The following PIP5K1B variants were observed in gnomAD, a reference collection of about 807,000 sequenced individuals.
PIP5K1B encodes phosphatidylinositol 4-phosphate 5-kinase type-1 beta.
PIP5K1B carries 42 observed loss-of-function variants against 67.0 expected under a neutral mutation model. The ratio of observed to expected loss-of-function variants is 0.63; its 90% CI spans 0.49 to 0.81. PIP5K1B has a LOEUF of 0.81. PIP5K1B is among the 30% of genes least tolerant of loss of function. The probability of loss-of-function intolerance (pLI) is 0.00; values close to 1 mark genes in which losing one functional copy is unlikely to be tolerated. For synonymous variants in PIP5K1B, 214 were observed against 231.4 expected (o/e 0.92, Z 0.68); for missense variants, 459 against 646.3 (o/e 0.71, Z 3.14).
At chr9:68,803,263 C>G (rs912708933) in intron 2 of PIP5K1B, among the ~76,000 whole-genome samples, 1 of 152,028 alleles carries the variant, frequency 6.6e-6, no homozygotes, top group Non-Finnish European at 1.5e-5. Context: ...TATAGAAACC[C>G]TAAAAGCAGC....
chr9:68,709,225 C>A (rs987916894), intron 1 of PIP5K1B, among the ~76,000 whole-genome samples: 1 of 152,056 alleles, frequency 6.6e-6, no homozygotes, highest in Non-Finnish European at 1.5e-5. Flanking sequence ...TTAAAAATAA[C>A]ATGTTTTTTT....
chr9:68,897,791 C>T lies in PIP5K1B; in HGVS notation c.771+3153C>T, dbSNP rs1222600373. Among the ~76,000 whole-genome samples, 4 of 152,128 alleles carry T rather than the reference C, an allele frequency of 2.6e-5. No individual in the cohort carries two copies. In the East Asian group the frequency reaches 7.7e-4, roughly 29 times the overall value. ...CTCTTAACCTATGGCTGACCTCCCC[C>T]TGCTTCTTGGCGCCCCCACCTCTCC... On this transcript the variant is annotated intron_variant, in intron 8 of 15. Coordinates refer to ENST00000265382, the MANE Select transcript of PIP5K1B (RefSeq NM_003558.4).
At chr9:68,850,319 C>A (rs1023183678) in intron 4 of PIP5K1B, among the ~76,000 whole-genome samples, 2 of 152,186 alleles carry the variant, frequency 1.3e-5, no homozygotes, top group Non-Finnish European at 2.9e-5. Context: ...GCAAAATACC[C>A]AGTTGAAATC....
chr9:68,801,230 G>A (rs1290902558), intron 2 of PIP5K1B, among the ~76,000 whole-genome samples: 1 of 152,136 alleles, frequency 6.6e-6, no homozygotes, highest in African/African-American at 2.4e-5. Flanking sequence ...CTCAAAGGAG[G>A]GCTATCCAAG....
In PIP5K1B at chr9:69,007,683, C is replaced by T. The variant is rs574635365; in HGVS notation, c.1621-764C>T. Among the ~76,000 whole-genome samples the T allele has an allele frequency of 2.8e-4, 42 of 152,068 alleles. No homozygotes were observed. In the South Asian group the frequency reaches 5.6e-3, roughly 20 times the overall value. On this transcript the variant is annotated intron_variant, in intron 15 of 15. Coordinates refer to ENST00000265382, the MANE Select transcript of PIP5K1B (RefSeq NM_003558.4). Reference sequence around the variant, plus strand: ...CCATCCTGGCTAACACAGTGAAACCCCATCTCTACTAAAAATACAAAAAAT... The same window carrying T: ...CCATCCTGGCTAACACAGTGAAACCTCATCTCTACTAAAAATACAAAAAAT...
At chr9:68,945,052 C>T (rs953547431) in intron 14 of PIP5K1B, among the ~76,000 whole-genome samples, 12 of 150,060 alleles carry the variant, frequency 8.0e-5, no homozygotes, top group Non-Finnish European at 1.5e-4. Context: ...GAGTTCTGGT[C>T]CTGTGTTTGA....
chr9:68,811,937 G>T (rs1367408926), intron 2 of PIP5K1B, among the ~76,000 whole-genome samples: 1 of 152,212 alleles, frequency 6.6e-6, no homozygotes, highest in Non-Finnish European at 1.5e-5. Context: ...CAGAGGTAGT[G>T]ATTCCCTGGT....
intron 15 of PIP5K1B, among the ~76,000 whole-genome samples, chr9:68,998,743 G>C (rs560351061): frequency 1.3e-5 from 2 of 152,290 alleles, no homozygotes; most frequent in Admixed American, 6.5e-5. Flanking sequence ...CATGGACCTA[G>C]TAAACAGGAC....
At chr9:68,865,820 C>T (rs904554657) in intron 5 of PIP5K1B, among the ~76,000 whole-genome samples, 1 of 152,188 alleles carries the variant, frequency 6.6e-6, no homozygotes. Flanking sequence ...TTTTAACAAG[C>T]CGTCGGGGTG....
chr9:68,805,657 A>C (rs1832834147), intron 2 of PIP5K1B, among the ~76,000 whole-genome samples: 1 of 152,058 alleles, frequency 6.6e-6, no homozygotes, highest in Non-Finnish European at 1.5e-5. Flanking sequence ...TCTTCCTGTG[A>C]CCACCGAGCT....
chr9:68,782,833 ATCT>A (rs1001916520), intron 2 of PIP5K1B: 1 of 167,080 alleles, frequency 6.0e-6, no homozygotes. Flanking sequence ...GGAATTGTTA[ATCT>A]TCTCACTTCA....
chr9:68,826,080 G>T (rs1305296700), intron 4 of PIP5K1B, among the ~76,000 whole-genome samples: 1 of 152,200 alleles, frequency 6.6e-6, no homozygotes, highest in African/African-American at 2.4e-5. Flanking sequence ...ATTGGTCCGT[G>T]AGGTTAATAA....
chr9:68,799,044 G>A (rs79801211), intron 2 of PIP5K1B, among the ~76,000 whole-genome samples: 6,836 of 152,218 alleles, frequency 0.045, 302 homozygotes, highest in East Asian at 0.24. Flanking sequence ...AAGTTTGCAG[G>A]GGCAGAAATA....
chr9:68,983,270 A>G lies in PIP5K1B; in HGVS notation c.1503-7870A>G, dbSNP rs116842500. Among the ~76,000 whole-genome samples the G allele has an allele frequency of 2.9e-3, 443 of 152,286 alleles. 2 individuals are homozygous for G. Among genetic ancestry groups the G allele is most frequent in the Non-Finnish European group, 4.2e-3 (287 of 68,022 alleles). On this transcript the variant is annotated intron_variant, in intron 14 of 15. Transcript: ENST00000265382. ...TGAGGCCAAGAAAAGAGTGGCAGTT[A>G]GAATGTGATCTTTAGAGAGAACTGT...
At chr9:68,966,192 G>A (rs1564277893) in intron 14 of PIP5K1B, among the ~76,000 whole-genome samples, 2 of 151,902 alleles carry the variant, frequency 1.3e-5, no homozygotes, top group African/African-American at 2.4e-5. Flanking sequence ...TGGAGGAGAG[G>A]AGACAAAATT....
chr9:68,884,665 T>TAAA (rs71353087), intron 6 of PIP5K1B, among the ~76,000 whole-genome samples: 1 of 133,408 alleles, frequency 7.5e-6, no homozygotes, highest in African/African-American at 2.9e-5. Flanking sequence ...ACCTTGTCTT[T>TAAA]AAAAAAAAAA....
intron 15 of PIP5K1B, among the ~76,000 whole-genome samples, chr9:69,003,570 T>C (rs1288369605): frequency 6.6e-6 from 1 of 151,908 alleles, no homozygotes; most frequent in Non-Finnish European, 1.5e-5. Flanking sequence ...CCAACCTAAC[T>C]GTGGTGAAGT....
At chr9:68,844,007 G>T (rs1204515866) in intron 4 of PIP5K1B, among the ~76,000 whole-genome samples, 1 of 152,180 alleles carries the variant, frequency 6.6e-6, no homozygotes, top group East Asian at 1.9e-4. Context: ...GTCAGTAGTT[G>T]GCCAGGCCTT....
At chr9:68,751,327 A>G (rs752579835) in intron 2 of PIP5K1B, among the ~76,000 whole-genome samples, 1 of 152,226 alleles carries the variant, frequency 6.6e-6, no homozygotes, top group Non-Finnish European at 1.5e-5. Context: ...GGCACTTGTC[A>G]TTTCTTTCTA....
Sources: gnomAD v4.1 joint callset for allele counts (sites outside exome capture counted in the v4.1 genomes callset) on GRCh38, gnomAD v4.1.1 for gene constraint, MANE v1.5 for transcripts, NCBI Gene and HGNC (gene_info 2026-07-23, HGNC 2026-07-21) for gene names.